The following CCDC91 variants were observed in gnomAD, a reference collection of about 807,000 sequenced individuals.
CCDC91 encodes the protein coiled-coil domain-containing protein 91.
CCDC91 carries 48 observed loss-of-function variants against 63.2 expected under a neutral mutation model. The ratio of observed to expected loss-of-function variants is 0.76; its 90% CI spans 0.60 to 0.97. The LOEUF is 0.97. CCDC91 is among the 50% of genes least tolerant of loss of function. The probability of loss-of-function intolerance (pLI) is 0.00; values close to 1 mark genes in which losing one functional copy is unlikely to be tolerated. For missense variants in CCDC91, 500 were observed against 494.6 expected, an observed-to-expected ratio of 1.01 and a Z score of -0.10; for synonymous variants, 167 against 165.8, an observed-to-expected ratio of 1.01 and a Z score of -0.06.
At chr12:28,370,144 G>T (rs1944523273) in intron 7 of CCDC91, among the ~76,000 whole-genome samples, 2 of 152,184 alleles carry the variant, frequency 1.3e-5, no homozygotes, top group South Asian at 4.1e-4. Flanking sequence ...TGCATGTTCA[G>T]TCAGTCTGCA....
intron 3 of CCDC91, among the ~76,000 whole-genome samples, chr12:28,269,155 T>TAA (rs1436988264): frequency 2.0e-5 from 3 of 152,132 alleles, no homozygotes; most frequent in African/African-American, 7.2e-5. Context: ...TTATACTTTG[T>TAA]ATTTACTCAG....
At chr12:28,207,395 G>A (rs1565612017) in intron 1 of CCDC91, among the ~76,000 whole-genome samples, 1 of 152,128 alleles carries the variant, frequency 6.6e-6, no homozygotes, top group South Asian at 2.1e-4. Flanking sequence ...GATGGCAAGG[G>A]CAGTCTTTCT....
chr12:28,268,745 G>C, intron 3 of CCDC91: 1 of 847,496 alleles, frequency 1.2e-6, no homozygotes, highest in Non-Finnish European at 1.4e-6. Flanking sequence ...AAGGGAGGAG[G>C]GAGTAGATTT....
At chr12:28,366,043 G>T (rs1944250066) in intron 7 of CCDC91, among the ~76,000 whole-genome samples, 1 of 151,930 alleles carries the variant, frequency 6.6e-6, no homozygotes, top group Non-Finnish European at 1.5e-5. Flanking sequence ...AACAAAAATG[G>T]CAAAAGCCTA....
At chr12:28,407,596 A>G (rs566893033) in intron 8 of CCDC91, among the ~76,000 whole-genome samples, 1 of 152,216 alleles carries the variant, frequency 6.6e-6, no homozygotes, top group African/African-American at 2.4e-5. Context: ...TTCCATTTCC[A>G]TGTAACTTTT....
At chr12:28,322,970 C>T (rs1179393745) in intron 6 of CCDC91, among the ~76,000 whole-genome samples, 5 of 150,508 alleles carry the variant, frequency 3.3e-5, no homozygotes, top group Non-Finnish European at 5.9e-5. Flanking sequence ...ATCATTTTTC[C>T]CCTACATTTC....
intron 7 of CCDC91, among the ~76,000 whole-genome samples, chr12:28,363,666 A>G (rs1370997722): frequency 6.6e-6 from 1 of 152,032 alleles, no homozygotes; most frequent in Non-Finnish European, 1.5e-5. Flanking sequence ...GGTGGATCAC[A>G]GGAGATCGAG....
chr12:28,282,139 C>T (rs1948645865), intron 3 of CCDC91, among the ~76,000 whole-genome samples: 1 of 152,118 alleles, frequency 6.6e-6, no homozygotes, highest in Admixed American at 6.5e-5. Flanking sequence ...AATACAGCCT[C>T]ACGTACTACC....
At chr12:28,329,920 CCATGTCCCTGCA>C (rs1941351937) in intron 6 of CCDC91, among the ~76,000 whole-genome samples, 1 of 152,142 alleles carries the variant, frequency 6.6e-6, no homozygotes, top group Non-Finnish European at 1.5e-5. Flanking sequence ...CCAGCTTCAT[CCATGTCCCTGCA>C]AAGGACATGG....
chr12:28,547,560 C>T (rs192956434), intron 12 of CCDC91, among the ~76,000 whole-genome samples: 548 of 152,096 alleles, frequency 3.6e-3, no homozygotes, highest in African/African-American at 0.012. Flanking sequence ...ATTCTAAGAT[C>T]TCTTTTGTTT....
intron 1 of CCDC91, among the ~76,000 whole-genome samples, chr12:28,248,061 G>A (rs1945874385): frequency 6.6e-6 from 1 of 152,086 alleles, no homozygotes; most frequent in South Asian, 2.1e-4. Context: ...TCGTGTCCGC[G>A]GGTTGGGGAC....
At chr12:28,201,597 A>G (rs11000042) in intron 1 of CCDC91, among the ~76,000 whole-genome samples, 1 of 144,736 alleles carries the variant, frequency 6.9e-6, no homozygotes, top group African/African-American at 2.5e-5. Flanking sequence ...GCGGCCAGGC[A>G]GAGACGCTCC....
intron 6 of CCDC91, among the ~76,000 whole-genome samples, chr12:28,361,733 T>A (rs1342608242): frequency 6.6e-6 from 1 of 152,074 alleles, no homozygotes; most frequent in African/African-American, 2.4e-5. Context: ...TCCTATCTGT[T>A]TTCTCCATTT....
At chr12:28,257,056 A>G (rs1269544277) in intron 1 of CCDC91, 146 bp from the exon 2 acceptor site, 2 of 507,542 alleles carry the variant, frequency 3.9e-6, no homozygotes, top group Non-Finnish European at 7.0e-6. Context: ...GTAAAAGCCA[A>G]TTGCAAATTC....
At position 28,354,850 on chromosome 12, in the gene CCDC91, AG is replaced by A. The variant is rs369302477; in HGVS notation, c.577-7586del. On this transcript the variant is annotated intron_variant, in intron 6 of 12. Transcript: ENST00000536442. ...GTTTGTAGATTTATTGTGTATATAT[AG>A]GTTACAGGCCTTTTCTTTAACATTC... is the stretch of plus-strand genomic sequence containing the variant. Among the ~76,000 whole-genome samples the A allele has an allele frequency of 4.9e-4, 74 of 152,240 alleles. 1 individual carries two copies. The East Asian group carries it at 0.014, about 29-fold the overall frequency.
chr12:28,229,483 A>C (rs564223248), intron 1 of CCDC91, among the ~76,000 whole-genome samples: 1 of 152,304 alleles, frequency 6.6e-6, no homozygotes, highest in Non-Finnish European at 1.5e-5. Context: ...TCTAGAAGAG[A>C]CATTAAAGCT....
At chr12:28,290,909 T>A (rs761483414) in intron 3 of CCDC91, among the ~76,000 whole-genome samples, 1 of 152,220 alleles carries the variant, frequency 6.6e-6, no homozygotes, top group Non-Finnish European at 1.5e-5. Flanking sequence ...TTTATGTTTA[T>A]CAAGAGGTAT....
At chr12:28,227,517 G>A (rs906389939) in intron 1 of CCDC91, among the ~76,000 whole-genome samples, 12 of 151,488 alleles carry the variant, frequency 7.9e-5, no homozygotes, top group Admixed American at 2.6e-4. Context: ...TTGAAACCTC[G>A]AACTCAAATG....
intron 1 of CCDC91, among the ~76,000 whole-genome samples, chr12:28,201,178 C>T (rs968955527): frequency 1.3e-5 from 2 of 151,020 alleles, no homozygotes; most frequent in Non-Finnish European, 3.0e-5. Flanking sequence ...CGGAGACGCT[C>T]CTCACTTCCC....
Sources: gnomAD v4.1 joint callset for allele counts (sites outside exome capture counted in the v4.1 genomes callset) on GRCh38, gnomAD v4.1.1 for gene constraint, MANE v1.5 for transcripts, NCBI Gene and HGNC (gene_info 2026-07-23, HGNC 2026-07-21) for gene names.